ACACA: variants seen among roughly 807,000 people sequenced by gnomAD.
ACACA encodes acetyl-CoA carboxylase 1.
A neutral mutation model predicts 296.1 loss-of-function variants in ACACA; 103 were observed. That is an observed-to-expected ratio of 0.35 (90% CI 0.30 to 0.41). The LOEUF (loss-of-function observed/expected upper bound fraction) is 0.41. ACACA is among the 10% of genes least tolerant of loss of function. The pLI is 1.00. For missense variants in ACACA, 1,554 were observed against 2,989.7 expected (o/e 0.52, Z 11.20); for synonymous variants, 953 against 1,038.6 (o/e 0.92, Z 1.58).
intron 3 of ACACA, among the ~76,000 whole-genome samples, chr17:37,297,897 TA>T (rs564793590): frequency 6.6e-6 from 1 of 152,164 alleles, no homozygotes; most frequent in East Asian, 1.9e-4. Context: ...TGTATATACA[TA>T]AAAAATTTTG....
rs535430109 is a variant in ACACA, at chr17:37,332,734, A to G, written c.86-2309T>C. Among the ~76,000 whole-genome samples the G allele has an allele frequency of 3.9e-5, 6 of 152,178 alleles. No individual in the cohort carries two copies. In the South Asian group the frequency reaches 1.0e-3, roughly 26 times the overall value. ...CAACACCAACCTGGCCAACATGGTG[A>G]AACCCCGTCTCTACTAAAAATACAA... On this transcript the variant is annotated intron_variant, in intron 2 of 55. Transcript: ENST00000616317.
intron 3 of ACACA, among the ~76,000 whole-genome samples, chr17:37,311,741 G>A (rs747475853): frequency 1.8e-4 from 28 of 151,566 alleles, no homozygotes; most frequent in South Asian, 6.3e-4. Flanking sequence ...GCATGGTGGC[G>A]CGCACCTGTA....
chr17:37,157,561 A>T (rs2076302117), intron 42 of ACACA, among the ~76,000 whole-genome samples: 1 of 116,774 alleles, frequency 8.6e-6, no homozygotes, highest in Non-Finnish European at 1.6e-5. Context: ...TTTTGAGCAG[A>T]GTCTCCTTCT....
Position 37,113,016 on chromosome 17 carries a change from C to T in ACACA, c.6452+72G>A. ...GGGTGCTGTAGTGCCATGGCTGTAA[C>T]ATTCTCCAGGAGGAAACCAACAGCT... On this transcript the variant is annotated intron_variant, in intron 51 of 55. Transcript: ENST00000616317. The surrounding 1 kb of genome is among the most constrained non-coding windows in gnomAD (Gnocchi z 4.0). The T allele has an allele frequency of 1.9e-6, 3 of 1,578,138 alleles. No homozygotes were observed. The highest frequency in any genetic ancestry group is 1.1e-5 in the South Asian group (1 of 89,404).
At chr17:37,394,359 C>A (rs528692402) in intron 1 of ACACA, among the ~76,000 whole-genome samples, 1 of 151,888 alleles carries the variant, frequency 6.6e-6, no homozygotes, top group Admixed American at 6.6e-5. Context: ...TACAGGCATG[C>A]GCCACCACAC....
chr17:37,135,457 A>G (rs1250682815), intron 45 of ACACA, among the ~76,000 whole-genome samples: 1 of 152,194 alleles, frequency 6.6e-6, no homozygotes, highest in Non-Finnish European at 1.5e-5. Context: ...CATGAGCCAC[A>G]GCTGGATTCA....
At chr17:37,352,658 GCAGTGAGGCTA>G (rs947767087) in intron 1 of ACACA, among the ~76,000 whole-genome samples, 9 of 151,958 alleles carry the variant, frequency 5.9e-5, no homozygotes, top group African/African-American at 2.2e-4. Flanking sequence ...GGTTGAGGCT[GCAGTGAGGCTA>G]CAGTGAGCCA....
chr17:37,388,680 G>T, intron 1 of ACACA: 1 of 1,612,146 alleles, frequency 6.2e-7, no homozygotes, highest in Non-Finnish European at 8.5e-7. Flanking sequence ...ACACAGATGA[G>T]AACCTAGAGA....
At chr17:37,092,955 A>G (rs1326850822) in intron 54 of ACACA, among the ~76,000 whole-genome samples, 2 of 152,186 alleles carry the variant, frequency 1.3e-5, no homozygotes, top group African/African-American at 2.4e-5. Flanking sequence ...AGAGTACAAT[A>G]GCCAAAGGAC....
intron 52 of ACACA, among the ~76,000 whole-genome samples, chr17:37,106,421 C>T (rs1361117795): frequency 6.6e-6 from 1 of 152,126 alleles, no homozygotes; most frequent in East Asian, 1.9e-4. Flanking sequence ...TATCTAAATA[C>T]ACTCACATTT....
chr17:37,085,953 T>C lies in ACACA; in HGVS notation c.*1363A>G. 1 of 398,142 alleles carries C rather than the reference T, an allele frequency of 2.5e-6. No individual in the cohort carries two copies. The highest frequency in any genetic ancestry group is 4.4e-6 in the Non-Finnish European group (1 of 226,024). 24.7% of individuals were successfully genotyped at this position (398,142 alleles called of 1,614,324 possible). On this transcript the variant is annotated 3_prime_UTR_variant, in exon 56 of 56. Coordinates refer to ENST00000616317, the MANE Select transcript of ACACA (RefSeq NM_198834.3). ...CACCAGCCCTGATCACCTGCCACTC[T>C]TGCTTTAGGAACAGAGGAATCAGTA...
chr17:37,262,213 G>C (rs2146271647), intron 11 of ACACA, among the ~76,000 whole-genome samples: 1 of 152,266 alleles, frequency 6.6e-6, no homozygotes, highest in East Asian at 1.9e-4. Context: ...CGAAATTTTT[G>C]CTGAGCACAT....
intron 41 of ACACA, among the ~76,000 whole-genome samples, chr17:37,165,795 C>T (rs2076643630): frequency 1.3e-5 from 2 of 151,878 alleles, no homozygotes; most frequent in Admixed American, 1.3e-4. Context: ...CCCATCTCAG[C>T]CTCCCAAATA....
At chr17:37,205,709 G>T in intron 33 of ACACA, 56 bp downstream of exon 33, 1 of 1,308,818 alleles carries the variant, frequency 7.6e-7, no homozygotes, top group Non-Finnish European at 1.1e-6. Flanking sequence ...GGATAGCTAT[G>T]ATACACAGCC....
intron 3 of ACACA, among the ~76,000 whole-genome samples, chr17:37,295,072 G>A (rs538687604): frequency 6.6e-6 from 1 of 152,242 alleles, no homozygotes; most frequent in Non-Finnish European, 1.5e-5. Context: ...AGCCAGTAGA[G>A]TAGGGGAAGG....
At chr17:37,273,292 C>A (rs1009345889) in intron 9 of ACACA, among the ~76,000 whole-genome samples, 2 of 152,086 alleles carry the variant, frequency 1.3e-5, no homozygotes, top group Non-Finnish European at 2.9e-5. Context: ...GGAAGCATAA[C>A]CAACACTTTA....
intron 13 of ACACA, 152 bp from the exon 14 acceptor site, chr17:37,258,018 T>G: frequency 8.4e-7 from 1 of 1,190,010 alleles, no homozygotes; most frequent in Admixed American, 2.1e-5. Context: ...ACAGACCCAC[T>G]GAAGACTCTA....
rs565723145 is a variant in ACACA, at chr17:37,244,514, T to C, written c.2742+74A>G. On this transcript the variant is annotated intron_variant, in intron 21 of 55. Transcript: ENST00000616317. ...CTTTTCCTCCCTCTTAAACAATCAT[T>C]ATGAGACTTGGAACTATTTTGGAGA... The C allele has an allele frequency of 8.9e-6, 14 of 1,567,874 alleles. No individual in the cohort carries two copies. In the South Asian group the frequency reaches 1.4e-4, roughly 16 times the overall value.
At chr17:37,206,372 C>T (rs1023965378) in intron 32 of ACACA, among the ~76,000 whole-genome samples, 2 of 151,998 alleles carry the variant, frequency 1.3e-5, no homozygotes, top group Non-Finnish European at 2.9e-5. Flanking sequence ...AATAAAAAGA[C>T]AAAGTTTTCA....
Sources: gnomAD v4.1 joint callset for allele counts (sites outside exome capture counted in the v4.1 genomes callset) on GRCh38, gnomAD v4.1.1 for gene constraint, Gnocchi (gnomAD v3.1) non-coding constraint, MANE v1.5 for transcripts, NCBI Gene and HGNC (gene_info 2026-07-23, HGNC 2026-07-21) for gene names.